The following HEG1 variants were observed in gnomAD, a reference collection of about 807,000 sequenced individuals.
HEG1 encodes the protein heart development protein with EGF like domains 1.
In HEG1, 56 loss-of-function variants were observed where a neutral mutation model predicts 125.6. That is an observed-to-expected ratio of 0.45 (90% confidence interval 0.36 to 0.56). HEG1 has a LOEUF of 0.56. Ranked by LOEUF, HEG1 falls within the 20% of genes least tolerant of loss-of-function variation. The pLI is 0.00. For missense variants in HEG1, 1,523 were observed against 1,670.0 expected (o/e 0.91, Z 1.53); for synonymous variants, 644 against 668.5 (o/e 0.96, Z 0.57).
At chr3:124,998,815 C>G (rs73201567) in intron 11 of HEG1, among the ~76,000 whole-genome samples, 1 of 151,930 alleles carries the variant, frequency 6.6e-6, no homozygotes, top group South Asian at 2.1e-4. Flanking sequence ...GTGGATAGTA[C>G]CTTATTTACA....
intron 14 of HEG1, among the ~76,000 whole-genome samples, chr3:124,989,993 C>T (rs775024518): frequency 6.6e-6 from 1 of 152,196 alleles, no homozygotes; most frequent in Non-Finnish European, 1.5e-5. Flanking sequence ...CATCCACTTA[C>T]ACACTGTCCC....
chr3:125,009,862 A>G, intron 7 of HEG1, 38 bp from the exon 8 acceptor site: 1 of 1,580,230 alleles, frequency 6.3e-7, no homozygotes, highest in Non-Finnish European at 8.6e-7. Flanking sequence ...TTGCATCTGT[A>G]GCAAACAGCA....
intron 8 of HEG1, among the ~76,000 whole-genome samples, chr3:125,005,775 A>C (rs1157562613): frequency 1.3e-5 from 2 of 152,204 alleles, no homozygotes; most frequent in African/African-American, 4.8e-5. Context: ...TGTGTTAGAC[A>C]CTAAAAATGC....
chr3:125,035,331 G>A (rs1937539864), intron 1 of HEG1, among the ~76,000 whole-genome samples: 1 of 152,068 alleles, frequency 6.6e-6, no homozygotes, highest in South Asian at 2.1e-4. Context: ...GCTCCTTAGA[G>A]TAAATTAAAA....
chr3:125,045,600 C>T (rs955023818), intron 1 of HEG1, among the ~76,000 whole-genome samples: 5 of 152,192 alleles, frequency 3.3e-5, no homozygotes, highest in African/African-American at 4.8e-5. Flanking sequence ...AGGACAGAGA[C>T]GAACAACTGA....
intron 5 of HEG1, 124 bp downstream of exon 5, chr3:125,019,138 G>T: frequency 1.3e-6 from 1 of 776,844 alleles, no homozygotes; most frequent in Admixed American, 2.5e-5. Context: ...AAAGTGCTGG[G>T]ATTACAGGCG....
In HEG1 at chr3:125,027,485, T is replaced by C. The variant is rs1303192684; in HGVS notation, c.633A>G (p.Pro211=). The change falls in exon 3 of 17, where the codon CCA becomes CCG. Residue 211 remains proline, a synonymous_variant. Coordinates refer to ENST00000311127, the MANE Select transcript of HEG1 (RefSeq NM_020733.2). Reference sequence around the variant, plus strand: ...TTTCATCGAACTCTGAACTGCTGGATGGCAGGTGAAGACTTTCTGAGGCTG... The same window carrying C: ...TTTCATCGAACTCTGAACTGCTGGACGGCAGGTGAAGACTTTCTGAGGCTG... ...GNLASESLHL[P]SSSSEFDERI... The C allele has an allele frequency of 1.9e-6, 3 of 1,609,796 alleles. No homozygotes were observed. Among genetic ancestry groups the C allele is most frequent in the East Asian group, 4.5e-5 (2 of 44,870 alleles).
chr3:124,981,831 T>C (rs1936659912), intron 14 of HEG1, among the ~76,000 whole-genome samples: 1 of 152,198 alleles, frequency 6.6e-6, no homozygotes, highest in Admixed American at 6.5e-5. Flanking sequence ...TTTCCCAAAT[T>C]TTATTTACAT....
chr3:125,021,292 A>C (rs939293277), intron 3 of HEG1, among the ~76,000 whole-genome samples, 162 bp from the exon 4 acceptor site: 1 of 152,160 alleles, frequency 6.6e-6, no homozygotes, highest in African/African-American at 2.4e-5. Flanking sequence ...TGCTACCAGG[A>C]CACATGCCTG....
chr3:125,033,417 A>G (rs1937517367), intron 1 of HEG1, among the ~76,000 whole-genome samples: 2 of 152,198 alleles, frequency 1.3e-5, no homozygotes. Flanking sequence ...TTACACAGCT[A>G]TGCCTTGGGT....
chr3:124,970,488 A>AC lies in HEG1; in HGVS notation c.*163dup. On this transcript the variant is annotated 3_prime_UTR_variant, in exon 17 of 17. Transcript: ENST00000311127. Reference sequence around the variant, plus strand: ...ATGAGCAGCCTGTGGTTCCACATCCACCTGTCTCCTCCACTGTGGTCACGC... The same window carrying AC: ...ATGAGCAGCCTGTGGTTCCACATCCACCCTGTCTCCTCCACTGTGGTCACGC... 1 of 606,562 alleles carries AC rather than the reference A, an allele frequency of 1.6e-6. No homozygotes were observed. Among genetic ancestry groups the AC allele is most frequent in the Non-Finnish European group, 2.9e-6 (1 of 344,044 alleles). 37.6% of individuals were successfully genotyped at this position (606,562 alleles called of 1,614,324 possible). A position where few individuals can be genotyped will look rare whatever the true frequency, so the allele number is the denominator to read the frequency against.
At chr3:125,034,370 A>T (rs1410955930) in intron 1 of HEG1, among the ~76,000 whole-genome samples, 1 of 152,202 alleles carries the variant, frequency 6.6e-6, no homozygotes, top group Non-Finnish European at 1.5e-5. Context: ...AAATTTTTTT[A>T]AAAAGAGACT....
At chr3:125,006,633 T>C (rs1937074604) in intron 8 of HEG1, among the ~76,000 whole-genome samples, 1 of 152,244 alleles carries the variant, frequency 6.6e-6, no homozygotes, top group Non-Finnish European at 1.5e-5. Context: ...TGCTTAGGAC[T>C]CTTTCTGAGC....
intron 1 of HEG1, among the ~76,000 whole-genome samples, chr3:125,046,731 C>G (rs905346303): frequency 2.6e-5 from 4 of 152,174 alleles, no homozygotes; most frequent in Admixed American, 6.5e-5. Context: ...ATCCGCAACC[C>G]CATTTTCAAT....
At chr3:125,034,356 G>GA (rs1016549890) in intron 1 of HEG1, among the ~76,000 whole-genome samples, 4 of 151,912 alleles carry the variant, frequency 2.6e-5, no homozygotes, top group African/African-American at 9.7e-5. Flanking sequence ...AATTACATTA[G>GA]AAAAAATTTT....
intron 3 of HEG1, 44 bp downstream of exon 3, chr3:125,027,161 C>T: frequency 6.7e-7 from 1 of 1,491,108 alleles, no homozygotes; most frequent in East Asian, 2.3e-5. Context: ...TTTATGTCTA[C>T]TTTGAGTGAC....
At chr3:124,974,774 G>A (rs1175163590) in intron 15 of HEG1, among the ~76,000 whole-genome samples, 1 of 152,106 alleles carries the variant, frequency 6.6e-6, no homozygotes, top group Non-Finnish European at 1.5e-5. Context: ...GTTTTCTAGG[G>A]AAGGCAAAAA....
At chr3:125,002,941 A>G (rs1315294819) in intron 9 of HEG1, among the ~76,000 whole-genome samples, 1 of 152,162 alleles carries the variant, frequency 6.6e-6, no homozygotes, top group East Asian at 1.9e-4. Context: ...ACCCTGCACA[A>G]TAGGAGCTAT....
At chr3:124,985,621 G>T (rs956371377) in intron 14 of HEG1, among the ~76,000 whole-genome samples, 1 of 152,118 alleles carries the variant, frequency 6.6e-6, no homozygotes, top group Non-Finnish European at 1.5e-5. Context: ...GAAATTGGTG[G>T]AATCTGGGAT....
Sources: gnomAD v4.1 joint callset for allele counts (sites outside exome capture counted in the v4.1 genomes callset) on GRCh38, gnomAD v4.1.1 for gene constraint, MANE v1.5 for transcripts, NCBI Gene and HGNC (gene_info 2026-07-23, HGNC 2026-07-21) for gene names.